The following LARGE1 variants were observed in gnomAD, a reference collection of about 807,000 sequenced individuals.
The protein encoded by LARGE1 is LARGE xylosyl- and glucuronyltransferase 1, also known as xylosyl- and glucuronyltransferase LARGE1.
In LARGE1, 43 loss-of-function variants were observed where a neutral mutation model predicts 87.6. The ratio of observed to expected loss-of-function variants is 0.49; its 90% CI spans 0.38 to 0.63. The LOEUF is 0.63. Ranked by LOEUF, LARGE1 falls within the 30% of genes least tolerant of loss-of-function variation. The pLI is 0.00. For synonymous variants in LARGE1, 434 were observed against 394.6 expected (o/e 1.10, Z -1.18); for missense variants, 802 against 1,000.2 (o/e 0.80, Z 2.67).
At chr22:33,903,437 C>T (rs12159995) in intron 1 of LARGE1, among the ~76,000 whole-genome samples, 1 of 151,832 alleles carries the variant, frequency 6.6e-6, no homozygotes, top group East Asian at 1.9e-4. Flanking sequence ...TTCCACCATT[C>T]TGAATTTTTT....
intron 6 of LARGE1, among the ~76,000 whole-genome samples, chr22:33,460,421 T>C (rs369020349): frequency 1.4e-4 from 22 of 152,272 alleles, no homozygotes; most frequent in African/African-American, 5.1e-4. Flanking sequence ...TGGTGTCTGA[T>C]ACCATAGAGA....
chr22:33,633,423 A>G (rs2080169795), intron 3 of LARGE1, among the ~76,000 whole-genome samples: 1 of 152,186 alleles, frequency 6.6e-6, no homozygotes, highest in Non-Finnish European at 1.5e-5. Context: ...CCTGAAACAT[A>G]AAGTTCTCCA....
intron 1 of LARGE1, among the ~76,000 whole-genome samples, chr22:33,817,427 C>T (rs2086687385): frequency 6.6e-6 from 1 of 152,098 alleles, no homozygotes; most frequent in Admixed American, 6.6e-5. Flanking sequence ...ATAGACAGAT[C>T]ACTCGTTTGT....
chr22:33,633,494 GA>G (rs925112084), intron 3 of LARGE1, among the ~76,000 whole-genome samples: 3 of 152,126 alleles, frequency 2.0e-5, no homozygotes, highest in African/African-American at 4.8e-5. Context: ...TAAATATGGG[GA>G]AAAAAATCAT....
chr22:33,134,253 C>A, the LARGE1 span, among the ~76,000 whole-genome samples: 1 of 136,638 alleles, frequency 7.3e-6, no homozygotes, highest in Non-Finnish European at 1.5e-5. Context: ...ACAAAGAACT[C>A]CCTTTTTTTT....
the LARGE1 span, among the ~76,000 whole-genome samples, chr22:33,115,884 C>A: frequency 6.6e-6 from 1 of 151,002 alleles, no homozygotes; most frequent in East Asian, 1.9e-4. Context: ...GAGAACACAG[C>A]ATGAAAGTGA....
intron 11 of LARGE1, among the ~76,000 whole-genome samples, chr22:33,187,736 G>A (rs540649503): frequency 6.6e-6 from 1 of 151,672 alleles, no homozygotes; most frequent in Non-Finnish European, 1.5e-5. Flanking sequence ...GGCTAACACA[G>A]TGAAATCCTG....
chr22:33,688,511 G>A (rs548031728), intron 2 of LARGE1, among the ~76,000 whole-genome samples: 2 of 152,074 alleles, frequency 1.3e-5, no homozygotes, highest in South Asian at 4.2e-4. Flanking sequence ...ACCATCACGC[G>A]CGGCTAATTT....
intron 12 of LARGE1, among the ~76,000 whole-genome samples, chr22:33,297,742 G>A (rs1307338472): frequency 6.6e-6 from 1 of 151,990 alleles, no homozygotes; most frequent in Non-Finnish European, 1.5e-5. Flanking sequence ...CACTTTGGGA[G>A]GCCGAGGTGG....
intron 9 of LARGE1, among the ~76,000 whole-genome samples, chr22:33,370,961 ATATGT>A (rs1312860488): frequency 7.3e-5 from 11 of 150,142 alleles, no homozygotes; most frequent in Admixed American, 3.3e-4. Context: ...ATCATTTTAT[ATATGT>A]TATGTCTACA....
chr22:33,473,461 C>T (rs758620780), intron 6 of LARGE1, among the ~76,000 whole-genome samples: 27 of 152,062 alleles, frequency 1.8e-4, no homozygotes, highest in Non-Finnish European at 3.2e-4. Flanking sequence ...GTGATTCTCC[C>T]GCCTCAGCCT....
At chr22:33,519,940 G>T (rs1362028204) in intron 6 of LARGE1, among the ~76,000 whole-genome samples, 2 of 150,642 alleles carry the variant, frequency 1.3e-5, no homozygotes, top group Non-Finnish European at 2.9e-5. Flanking sequence ...GTACTCCCTG[G>T]CTTCCTCTTG....
At chr22:33,364,816 C>A (rs2064526824) in intron 9 of LARGE1, among the ~76,000 whole-genome samples, 1 of 152,098 alleles carries the variant, frequency 6.6e-6, no homozygotes, top group East Asian at 1.9e-4. Flanking sequence ...CCCACCGCAG[C>A]CACCCAAGTA....
chr22:33,633,174 A>G (rs1260143319), intron 3 of LARGE1, among the ~76,000 whole-genome samples: 1 of 152,168 alleles, frequency 6.6e-6, no homozygotes, highest in Non-Finnish European at 1.5e-5. Context: ...CCCATTCCCC[A>G]AAATCAGGTG....
chr22:33,524,117 CCT>C (rs1480829694), intron 6 of LARGE1, among the ~76,000 whole-genome samples: 2 of 151,832 alleles, frequency 1.3e-5, no homozygotes, highest in African/African-American at 4.8e-5. Context: ...ACGGTGAAAC[CCT>C]GTCTCTACTA....
chr22:33,110,965 G>C, the LARGE1 span, among the ~76,000 whole-genome samples: 1 of 152,162 alleles, frequency 6.6e-6, no homozygotes, highest in Non-Finnish European at 1.5e-5. Context: ...AAAAAGCTCT[G>C]CTTTTAGGAG....
At chr22:33,492,826 C>T (rs969520680) in intron 6 of LARGE1, among the ~76,000 whole-genome samples, 2 of 152,158 alleles carry the variant, frequency 1.3e-5, no homozygotes, top group Non-Finnish European at 2.9e-5. Context: ...GAAAGGACGT[C>T]CTGTCCTTGT....
At chr22:33,347,904 A>G (rs578227917) in intron 9 of LARGE1, among the ~76,000 whole-genome samples, 49 of 152,332 alleles carry the variant, frequency 3.2e-4, no homozygotes, top group Non-Finnish European at 6.9e-4. Flanking sequence ...CAGTTATAAA[A>G]GACATCTGGT....
At chr22:33,555,080 T>G (rs925317352) in intron 6 of LARGE1, among the ~76,000 whole-genome samples, 3 of 152,216 alleles carry the variant, frequency 2.0e-5, no homozygotes, top group Admixed American at 1.3e-4. Flanking sequence ...AGATTTTTTT[T>G]GTCTTCTTAC....
Sources: allele counts gnomAD v4.1 joint callset (sites outside exome capture counted in the v4.1 genomes callset), GRCh38; gene constraint gnomAD v4.1.1; transcripts MANE v1.5; gene names NCBI Gene and HGNC (gene_info 2026-07-23, HGNC 2026-07-21).